The following KLC3 variants were observed in gnomAD, a reference collection of about 807,000 sequenced individuals.
The protein encoded by KLC3 is kinesin light chain 2.
Under a neutral mutation model 62.9 loss-of-function variants are expected in KLC3, and 72 were observed. The ratio of observed to expected loss-of-function variants is 1.15; its 90% confidence interval spans 0.95 to 1.39. The LOEUF (loss-of-function observed/expected upper bound fraction) is 1.39. Among genes scored for constraint, KLC3 ranks in the 40% most tolerant of loss-of-function variants. The pLI, the probability that KLC3 is intolerant of heterozygous loss-of-function variation, is 0.00. For synonymous variants in KLC3, 377 were observed against 300.5 expected (o/e 1.25, Z -2.63); for missense variants, 848 against 691.6 (o/e 1.23, Z -2.54).
intron 8 of KLC3, 161 bp downstream of exon 8, chr19:45,349,763 A>AC: frequency 1.5e-6 from 1 of 675,518 alleles, no homozygotes; most frequent in Non-Finnish European, 2.4e-6. Context: ...TCAGCACAGA[A>AC]CACGGAATCA....
At chr19:45,342,740 C>A (rs1335577005) in intron 1 of KLC3, among the ~76,000 whole-genome samples, 2 of 152,116 alleles carry the variant, frequency 1.3e-5, no homozygotes, top group African/African-American at 4.8e-5. Context: ...GCACTCCAGT[C>A]TGGGCAACAG....
rs201564801 is a variant in KLC3 at position 45,351,348 on chromosome 19, C to T, written c.1506C>T (p.Ser502=). ...TCAGCGCCAGCACCCAGGACCTGAG[C>T]CCCCACTAACGTCCAGTGAACTGCG... The part of the protein sequence containing the change: ...RTLSASTQDL[S]PH The change falls in exon 13 of 13, where the codon AGC becomes AGT. Residue 502 remains serine (S), a synonymous_variant. Transcript: ENST00000391946. 3 of 1,611,188 alleles carry T rather than the reference C, an allele frequency of 1.9e-6. No homozygotes were observed. Among genetic ancestry groups the T allele is most frequent in the African/African-American group, 1.3e-5 (1 of 75,034 alleles).
At position 45,345,791 on chromosome 19, in the gene KLC3, G is replaced by A. The variant is rs769289827; in HGVS notation, c.250G>A (p.Glu84Lys). The A allele has an allele frequency of 1.4e-5, 21 of 1,548,368 alleles. No individual in the cohort carries two copies. Among genetic ancestry groups the A allele is most frequent in the African/African-American group, 2.7e-5 (2 of 73,006 alleles). The part of the protein sequence containing the change: ...SLEAIELGLG[E>K]AQVLLALSAH... ...GGAGGCCATCGAGCTGGGGCTGGGC[G>A]AGGCCCAGGTATGAGGGGGCCAGGT... The change falls in exon 2 of 13, where the codon GAG (glutamate) becomes AAG (lysine). Residue 84 changes from glutamate to lysine, a missense_variant. Glu to Lys is a moderately conservative substitution (Grantham distance 56). Coordinates refer to ENST00000391946, the MANE Select transcript of KLC3 (RefSeq NM_177417.3).
At chr19:45,344,351 C>G (rs1240873341) in intron 1 of KLC3, among the ~76,000 whole-genome samples, 1 of 149,518 alleles carries the variant, frequency 6.7e-6, no homozygotes, top group Non-Finnish European at 1.5e-5. Flanking sequence ...GTAGCTGGGA[C>G]TACAGGCATG....
chr19:45,345,154 G>A (rs957084526), intron 1 of KLC3: 14 of 402,800 alleles, frequency 3.5e-5, no homozygotes, highest in Non-Finnish European at 6.2e-5. Flanking sequence ...CGGGAGCTCT[G>A]GGCCAGGGGA....
Position 45,350,358 on chromosome 19 carries a change from A to G in KLC3, c.1161A>G (p.Lys387=), listed in dbSNP as rs765863784. 6.2e-7 allele frequency: 1 copy of G among 1,613,470 alleles called. No individual in the cohort carries two copies. The highest frequency in any genetic ancestry group is 8.5e-7 in the Non-Finnish European group (1 of 1,179,918). The change falls in exon 9 of 13, where the codon AAA becomes AAG. Residue 387 remains lysine (K), a synonymous_variant. Coordinates refer to ENST00000391946, the MANE Select transcript of KLC3 (RefSeq NM_177417.3). ...CTCCGCAGGCCTCAGCCTACCTGAAACAGAACAAGTATCAACAAGCGGAAG... is the reference window on the plus strand; with the variant it reads ...CTCCGCAGGCCTCAGCCTACCTGAAGCAGAACAAGTATCAACAAGCGGAAG... ...TKNNLASAYL[K]QNKYQQAEEL...
chr19:45,346,814 C>T, intron 3 of KLC3, 40 bp downstream of exon 3: 1 of 1,511,058 alleles, frequency 6.6e-7, no homozygotes, highest in Non-Finnish European at 9.0e-7. Flanking sequence ...CTGGGCCCTT[C>T]ATAGAGCCCC....
At chr19:45,341,019 C>A (rs961184146) in intron 1 of KLC3, among the ~76,000 whole-genome samples, 173 bp downstream of exon 1, 24 of 152,076 alleles carry the variant, frequency 1.6e-4, no homozygotes, top group Non-Finnish European at 2.5e-4. Flanking sequence ...TCCCATGCCC[C>A]CCACCCCAGC....
chr19:45,347,566 G>A, intron 4 of KLC3, 50 bp downstream of exon 4: 1 of 1,538,432 alleles, frequency 6.5e-7, no homozygotes, highest in Non-Finnish European at 8.9e-7. Flanking sequence ...AGGGTGGGGA[G>A]GGGGCTCTGA....
rs1478554698 is a variant in KLC3, at chr19:45,350,940, T to C, written c.1380-14T>C. On this transcript the variant is annotated splice_polypyrimidine_tract_variant and intron_variant, in intron 11 of 12. Coordinates refer to ENST00000391946, the MANE Select transcript of KLC3 (RefSeq NM_177417.3). ...CTGGATTCACTCATTTCCTCCCTGC[T>C]GCCCTCTTTGCAGAATGAAGAGAGC... 1 of 1,613,508 alleles carries C rather than the reference T, an allele frequency of 6.2e-7. No homozygotes were observed. Among genetic ancestry groups the C allele is most frequent in the Non-Finnish European group, 8.5e-7 (1 of 1,179,478 alleles).
intron 1 of KLC3, 31 bp downstream of exon 1, chr19:45,340,877 C>G (rs1305553936): frequency 1.3e-5 from 2 of 152,286 alleles, no homozygotes; most frequent in Non-Finnish European, 2.9e-5. Context: ...GCGGGACTCT[C>G]GGAGAGCCGC....
At chr19:45,347,015 G>C (rs2123185321) in intron 3 of KLC3, 1 of 499,834 alleles carries the variant, frequency 2.0e-6, no homozygotes. Flanking sequence ...GACCCCCAGG[G>C]GGCCTCTGAC....
intron 10 of KLC3, 33 bp downstream of exon 10, chr19:45,350,584 GGGCGT>G (rs1971691927): frequency 6.2e-7 from 1 of 1,613,714 alleles, no homozygotes; most frequent in Admixed American, 1.7e-5. Flanking sequence ...CTCCTGGGGT[GGGCGT>G]GGGGACTGCA....
At position 45,350,029 on chromosome 19, in the gene KLC3, T is replaced by G. The variant is rs1971644494; in HGVS notation, c.1144-312T>G. 5 of 452,232 alleles carry G rather than the reference T, an allele frequency of 1.1e-5. No individual in the cohort carries two copies. The South Asian group carries it at 1.4e-4, about 13-fold the overall frequency. The allele number at this position is 452,232 out of a possible 1,614,324, so 28.0% of individuals were successfully genotyped here. A position where few individuals can be genotyped will look rare whatever the true frequency, so the allele number is the denominator to read the frequency against. On this transcript the variant is annotated intron_variant, in intron 8 of 12. Transcript: ENST00000391946. Reference sequence around the variant, plus strand: ...ACAGGCTCAGAAACAGGAGGCTGCCTGTCCTCCATCCCCAGGGCAGGAAGT... The same window carrying G: ...ACAGGCTCAGAAACAGGAGGCTGCCGGTCCTCCATCCCCAGGGCAGGAAGT...
chr19:45,341,578 T>TGTGTGTGCGCGTGCGCGCGC, intron 1 of KLC3, among the ~76,000 whole-genome samples: 1 of 139,800 alleles, frequency 7.2e-6, no homozygotes, highest in African/African-American at 2.7e-5. Context: ...TGTGTGTGTG[T>TGTGTGTGCGCGTGCGCGCGC]GCGCGCGCGC....
In KLC3 at chr19:45,351,373, G is replaced by A. The variant is rs139821350; in HGVS notation, c.*16G>A. 7.2e-5 allele frequency: 115 copies of A among 1,608,348 alleles called. No homozygotes were observed. Among genetic ancestry groups the A allele is most frequent in the African/African-American group, 1.5e-4 (11 of 75,028 alleles). On this transcript the variant is annotated 3_prime_UTR_variant, in exon 13 of 13. Coordinates refer to ENST00000391946, the MANE Select transcript of KLC3 (RefSeq NM_177417.3). ...CCCCCACTAACGTCCAGTGAACTGC[G>A]CTGGCCGCAGCTTCTTGGGAACAGT...
rs778409149 is a variant in KLC3 at position 45,350,698 on chromosome 19, G to A, written c.1330G>A (p.Glu444Lys). Residue 444 changes from glutamate to lysine, a missense_variant, in exon 11 of 13, where the codon GAG becomes AAG. Glu to Lys is a moderately conservative substitution (Grantham distance 56). Coordinates refer to ENST00000391946, the MANE Select transcript of KLC3 (RefSeq NM_177417.3). The part of the protein sequence containing the change: ...KIRESIRRGS[E>K]KLVSRLRGEA... ...CCGTGAGTCTATCAGGCGAGGAAGTGAGAAGCTGGTCTCCCGGCTCCGAGG... is the reference window on the plus strand; with the variant it reads ...CCGTGAGTCTATCAGGCGAGGAAGTAAGAAGCTGGTCTCCCGGCTCCGAGG... The A allele has an allele frequency of 1.3e-5, 21 of 1,613,572 alleles. No homozygotes were observed. The South Asian group carries it at 2.1e-4, about 16-fold the overall frequency.
rs573461456 is a variant in KLC3, at chr19:45,349,699, G to A, written c.1143+97G>A. On this transcript the variant is annotated intron_variant, in intron 8 of 12. Transcript: ENST00000391946. ...TACAGGGTGAGCAACGTGAGGGTGG[G>A]GGGGGGCCCCCCAGGCCGGGCCCTT... The A allele has an allele frequency of 5.2e-5, 46 of 884,248 alleles. 1 individual carries two copies. The East Asian group carries it at 1.2e-3, about 23-fold the overall frequency. The allele number at this position is 884,248 out of a possible 1,614,324, so 54.8% of individuals were successfully genotyped here.
chr19:45,348,713 C>G lies in KLC3; in HGVS notation c.847C>G (p.Leu283Val). The G allele has an allele frequency of 6.3e-7, 1 of 1,594,060 alleles. No individual in the cohort carries two copies. The highest frequency in any genetic ancestry group is 8.5e-7 in the Non-Finnish European group (1 of 1,170,626). Reference protein sequence around the residue: ...HDALQIREQTLGPEHPAVAAT... With the variant: ...HDALQIREQTVGPEHPAVAAT... ...TGCCCTGCAGATCCGGGAGCAGACGCTGGGCCCTGAGCACCCCGCGGTGAG... is the reference window on the plus strand; with the variant it reads ...TGCCCTGCAGATCCGGGAGCAGACGGTGGGCCCTGAGCACCCCGCGGTGAG... The change falls in exon 6 of 13, where the codon CTG becomes GTG. Residue 283 changes from leucine to valine, a missense_variant. Leu to Val is a conservative substitution (Grantham distance 32, BLOSUM62 1). Coordinates refer to ENST00000391946, the MANE Select transcript of KLC3 (RefSeq NM_177417.3).
Sources: allele counts gnomAD v4.1 joint callset (sites outside exome capture counted in the v4.1 genomes callset), GRCh38; gene constraint gnomAD v4.1.1; transcripts MANE v1.5; gene names NCBI Gene and HGNC (gene_info 2026-07-23, HGNC 2026-07-21).